HSDL2: variants seen among roughly 807,000 people sequenced by gnomAD.
HSDL2 encodes hydroxysteroid dehydrogenase-like protein 2.
A neutral mutation model predicts 46.3 loss-of-function variants in HSDL2; 27 were observed. The ratio of observed to expected loss-of-function variants is 0.58; its 90% CI spans 0.43 to 0.80. HSDL2 has a LOEUF of 0.80. HSDL2 is among the 30% of genes least tolerant of loss of function. The probability of loss-of-function intolerance (pLI) is 0.00; values close to 1 mark genes in which losing one functional copy is unlikely to be tolerated. For missense variants in HSDL2, 451 were observed against 502.7 expected (o/e 0.90, Z 0.98); for synonymous variants, 153 against 163.6 (o/e 0.94, Z 0.50).
chr9:112,437,711 T>C (rs1832558045), intron 6 of HSDL2, among the ~76,000 whole-genome samples: 1 of 152,224 alleles, frequency 6.6e-6, no homozygotes, highest in Non-Finnish European at 1.5e-5. Flanking sequence ...ATCTTTGGCA[T>C]TAAGACTGTT....
chr9:112,389,026 C>CT (rs111670667), intron 1 of HSDL2, among the ~76,000 whole-genome samples: 5,044 of 145,814 alleles, frequency 0.035, 187 homozygotes, highest in East Asian at 0.13. Context: ...ATTCAGATCA[C>CT]TTTTTTTTTT....
chr9:112,456,202 AC>A (rs1455569280), intron 9 of HSDL2, among the ~76,000 whole-genome samples: 1 of 152,208 alleles, frequency 6.6e-6, no homozygotes, highest in African/African-American at 2.4e-5. Context: ...TTAAAACAGA[AC>A]CCAGTGACAA....
intron 7 of HSDL2, chr9:112,438,877 T>C (rs1316263440): frequency 4.0e-6 from 1 of 252,660 alleles, no homozygotes; most frequent in African/African-American, 2.2e-5. Flanking sequence ...GTCAGATCAG[T>C]TACTAGCCAC....
At chr9:112,414,606 A>G (rs1299112813) in intron 4 of HSDL2, among the ~76,000 whole-genome samples, 1 of 152,200 alleles carries the variant, frequency 6.6e-6, no homozygotes, top group African/African-American at 2.4e-5. Flanking sequence ...AGGAAAGCCC[A>G]TGTTTAGAAT....
chr9:112,418,303 C>T (rs774527504), intron 5 of HSDL2, among the ~76,000 whole-genome samples: 3 of 151,882 alleles, frequency 2.0e-5, no homozygotes, highest in Non-Finnish European at 4.4e-5. Context: ...ATCAGGGAGG[C>T]TGGGTACGGT....
chr9:112,429,296 A>T (rs1832328916), intron 6 of HSDL2, among the ~76,000 whole-genome samples: 1 of 152,238 alleles, frequency 6.6e-6, no homozygotes, highest in Admixed American at 6.5e-5. Context: ...TTGACAGATA[A>T]TTTATTAACT....
chr9:112,454,494 C>T (rs941120795), intron 9 of HSDL2, among the ~76,000 whole-genome samples: 3 of 151,846 alleles, frequency 2.0e-5, no homozygotes, highest in Admixed American at 6.6e-5. Context: ...CGTACGGACA[C>T]ATGTAAAGTA....
At chr9:112,398,825 C>T (rs751447953) in intron 1 of HSDL2, among the ~76,000 whole-genome samples, 2 of 152,268 alleles carry the variant, frequency 1.3e-5, no homozygotes, top group Non-Finnish European at 2.9e-5. Context: ...AGTGTTCTTC[C>T]ACTGCCCTGA....
chr9:112,425,292 G>T (rs1022221470), intron 6 of HSDL2, among the ~76,000 whole-genome samples: 2 of 152,202 alleles, frequency 1.3e-5, no homozygotes, highest in African/African-American at 4.8e-5. Flanking sequence ...TGGTAAGTTG[G>T]TAACTTATTC....
chr9:112,413,434 G>T (rs1324008135), intron 4 of HSDL2, among the ~76,000 whole-genome samples: 1 of 151,788 alleles, frequency 6.6e-6, no homozygotes, highest in Middle Eastern at 3.4e-3. Context: ...CCAAGATCAC[G>T]CCATTGCACT....
intron 8 of HSDL2, among the ~76,000 whole-genome samples, chr9:112,449,365 G>A (rs1832827263): frequency 1.3e-5 from 2 of 152,030 alleles, no homozygotes; most frequent in African/African-American, 2.4e-5. Flanking sequence ...AGGATTACCA[G>A]CATGAGCCAC....
At chr9:112,401,579 A>G (rs941209206) in intron 1 of HSDL2, among the ~76,000 whole-genome samples, 3 of 152,128 alleles carry the variant, frequency 2.0e-5, no homozygotes, top group Admixed American at 6.6e-5. Context: ...CCAGGGCCAC[A>G]CACAGACAGG....
intron 6 of HSDL2, among the ~76,000 whole-genome samples, chr9:112,428,927 C>T (rs1319786288): frequency 6.6e-6 from 1 of 152,178 alleles, no homozygotes; most frequent in Non-Finnish European, 1.5e-5. Flanking sequence ...TTGAGACAGT[C>T]TTGCTCTGTT....
intron 1 of HSDL2, among the ~76,000 whole-genome samples, chr9:112,401,153 T>A (rs544531714): frequency 4.5e-4 from 69 of 152,316 alleles, no homozygotes; most frequent in African/African-American, 1.6e-3. Flanking sequence ...GTCTCCTTCT[T>A]ACTTAGCAAG....
rs777384942 is a variant in HSDL2, at chr9:112,408,918, C to T, written c.292C>T (p.Leu98=). ...TATTTTGAAAACAGGAATTGATATT[C>T]TGGTAAATAATGCCAGTGCCATTAG... The part of the protein sequence containing the change: ...AIKKFGGIDI[L]VNNASAISLT... The change falls in exon 4 of 11, where the codon CTG becomes TTG. Residue 98 remains leucine (L), a synonymous_variant. Coordinates refer to ENST00000398805, the MANE Select transcript of HSDL2 (RefSeq NM_032303.5). The T allele has an allele frequency of 1.3e-6, 2 of 1,514,680 alleles. No individual in the cohort carries two copies. The highest frequency in any genetic ancestry group is 1.2e-5 in the South Asian group (1 of 84,834). The allele number at this position is 1,514,680 out of a possible 1,614,324, so 93.8% of individuals were successfully genotyped here.
chr9:112,388,196 C>T (rs10981379), intron 1 of HSDL2, among the ~76,000 whole-genome samples: 1 of 151,906 alleles, frequency 6.6e-6, no homozygotes, highest in Non-Finnish European at 1.5e-5. Context: ...GGCACAGTGG[C>T]TCATGCCTGT....
chr9:112,406,343 G>A (rs1831729074), intron 3 of HSDL2, among the ~76,000 whole-genome samples: 1 of 152,186 alleles, frequency 6.6e-6, no homozygotes, highest in Non-Finnish European at 1.5e-5. Flanking sequence ...TGAGAAAATT[G>A]CACTTGTGCC....
chr9:112,428,485 C>T lies in HSDL2; in HGVS notation c.598+9527C>T, dbSNP rs573666713. ...CTTCAATATTTCTCAAACTATATGT[C>T]AAGACTCGTTGGTGAGGCATGAAAT... is the stretch of plus-strand genomic sequence containing the variant. On this transcript the variant is annotated intron_variant, in intron 6 of 10. Coordinates refer to ENST00000398805, the MANE Select transcript of HSDL2 (RefSeq NM_032303.5). Among the ~76,000 whole-genome samples the T allele has an allele frequency of 7.2e-5, 11 of 152,292 alleles. No individual in the cohort carries two copies. The South Asian group carries it at 1.0e-3, about 14-fold the overall frequency.
intron 4 of HSDL2, among the ~76,000 whole-genome samples, chr9:112,415,638 G>A (rs927920952): frequency 3.3e-5 from 5 of 152,060 alleles, no homozygotes; most frequent in East Asian, 1.9e-4. Flanking sequence ...TTGTGGTTGC[G>A]GATAACCTCA....
Sources: allele counts gnomAD v4.1 joint callset (sites outside exome capture counted in the v4.1 genomes callset), GRCh38; gene constraint gnomAD v4.1.1; transcripts MANE v1.5; gene names NCBI Gene and HGNC (gene_info 2026-07-23, HGNC 2026-07-21).